ITGAD: variants seen among roughly 807,000 people sequenced by gnomAD.
ITGAD encodes integrin subunit alpha D, also known as integrin alpha-D.
ITGAD carries 105 observed loss-of-function variants against 139.0 expected under a neutral mutation model. That is an observed-to-expected ratio of 0.76 (90% confidence interval 0.65 to 0.89). The LOEUF (loss-of-function observed/expected upper bound fraction) is 0.89. Ranked by LOEUF, ITGAD falls within the 40% of genes least tolerant of loss-of-function variation. ITGAD has a pLI of 0.00. For missense variants in ITGAD, 1,384 were observed against 1,487.3 expected (o/e 0.93, Z 1.14); for synonymous variants, 569 against 598.3 (o/e 0.95, Z 0.71).
rs761461114 is a variant in ITGAD at position 31,414,882 on chromosome 16, G to A, written c.2174G>A (p.Ser725Asn). Residue 725 changes from serine (S) to asparagine (N), a missense_variant, in exon 18 of 30, where the codon AGC (serine) becomes AAC (asparagine). Transcript: ENST00000389202. Reference protein sequence around the residue: ...LLPDCVEDVVSPIILHLNFSL... With the variant: ...LLPDCVEDVVNPIILHLNFSL... ...CAGGATTGTGTGGAGGATGTGGTGA[G>A]CCCCATCATTCTGCACCTCAACTTC... 1 of 1,614,066 alleles carries A rather than the reference G, an allele frequency of 6.2e-7. No homozygotes were observed. Among genetic ancestry groups the A allele is most frequent in the Admixed American group, 1.7e-5 (1 of 60,018 alleles).
In ITGAD at chr16:31,423,124, T is replaced by A. The variant is rs764251641; in HGVS notation, c.2791T>A (p.Ser931Thr). 9.9e-6 allele frequency: 16 copies of A among 1,613,924 alleles called. No individual in the cohort carries two copies. In the East Asian group the frequency reaches 1.3e-4, roughly 13 times the overall value. Residue 931 changes from serine (S) to threonine (T), a missense_variant, in exon 24 of 30, where the codon TCC (serine) becomes ACC (threonine). Physicochemically the swap from Ser to Thr is moderately conservative, Grantham distance 58. Transcript: ENST00000389202. ...AGGCTCTCTCTCCAGGCAGGAAGAA[T>A]CCACCAAGTACTTCAACTTTGCAAC... ...VYTMISRQEE[S>T]TKYFNFATSD...
intron 23 of ITGAD, among the ~76,000 whole-genome samples, chr16:31,419,418 T>C (rs1010987261): frequency 2.0e-5 from 3 of 152,320 alleles, no homozygotes; most frequent in Non-Finnish European, 1.5e-5. Context: ...CATGGGTTTG[T>C]AGCCCAGGAG....
intron 20 of ITGAD, among the ~76,000 whole-genome samples, chr16:31,417,688 T>A (rs565990817): frequency 3.3e-5 from 5 of 152,324 alleles, no homozygotes; most frequent in African/African-American, 1.2e-4. Flanking sequence ...CTCACACCTG[T>A]AATCCCAGCA....
chr16:31,416,562 G>A lies in ITGAD; in HGVS notation c.2415G>A (p.Trp805Ter). 3 of 1,613,970 alleles carry A rather than the reference G, an allele frequency of 1.9e-6. No individual in the cohort carries two copies. Among genetic ancestry groups the A allele is most frequent in the East Asian group, 4.5e-5 (2 of 44,866 alleles). Reference protein sequence around the residue: ...SLELNVIVTVWNAGEDSYGTV... With the variant: ...SLELNVIVTV ...AGCTCAACGTGATTGTGACTGTGTGGAACGCAGGTGAGGATTCCTACGGAA... is the reference window on the plus strand; with the variant it reads ...AGCTCAACGTGATTGTGACTGTGTGAAACGCAGGTGAGGATTCCTACGGAA... Residue 805 changes from tryptophan (W) to a stop codon, truncating the protein, a stop_gained, in exon 20 of 30, where the codon TGG becomes TGA. Coordinates refer to ENST00000389202, the MANE Select transcript of ITGAD (RefSeq NM_005353.3). LOFTEE classifies it high-confidence loss of function.
intron 28 of ITGAD, 59 bp from the exon 29 acceptor site, chr16:31,424,408 G>A (rs1024618294): frequency 7.0e-5 from 101 of 1,441,304 alleles, no homozygotes; most frequent in Non-Finnish European, 8.9e-5. Context: ...TAAAGGTTGC[G>A]GAACCTGGGA....
At position 31,397,917 on chromosome 16, in the gene ITGAD, C is replaced by G; in HGVS notation, c.427+8C>G. 1 of 1,601,516 alleles carries G rather than the reference C, an allele frequency of 6.2e-7. No homozygotes were observed. The highest frequency in any genetic ancestry group is 1.1e-5 in the South Asian group (1 of 89,824). On this transcript the variant is annotated splice_region_variant and intron_variant, in intron 5 of 29. Transcript: ENST00000389202. ...TCCCCGACGCCACGCCAGGTAGGTC[C>G]CTGGCAGGCCATGGTTCCCTGTGGA... is the stretch of plus-strand genomic sequence containing the variant.
At position 31,423,397 on chromosome 16, in the gene ITGAD, T is replaced by C. The variant is rs139934049; in HGVS notation, c.2905T>C (p.Trp969Arg). Residue 969 changes from tryptophan to arginine, a missense_variant, in exon 25 of 30, where the codon TGG becomes CGG. By Grantham distance (101) the Trp-to-Arg change is moderately radical (BLOSUM62 -3). Coordinates refer to ENST00000389202, the MANE Select transcript of ITGAD (RefSeq NM_005353.3). Reference protein sequence around the residue: ...QRDLAISINFWVPVLLNGVAV... With the variant: ...QRDLAISINFRVPVLLNGVAV... ...AGATCTGGCCATCAGCATTAACTTC[T>C]GGGTTCCTGTCCTGCTGAACGGGGT... 3.3e-5 allele frequency: 53 copies of C among 1,614,032 alleles called. 1 individual carries two copies. The highest frequency in any genetic ancestry group is 3.3e-4 in the Middle Eastern group (2 of 6,084).
At chr16:31,410,316 G>C in intron 10 of ITGAD, 79 bp from the exon 11 acceptor site, 1 of 1,587,194 alleles carries the variant, frequency 6.3e-7, no homozygotes, top group South Asian at 1.1e-5. Flanking sequence ...GGCGAGTGAT[G>C]CGGGTGGCAG....
At chr16:31,424,854 CT>C in intron 29 of ITGAD, 1 of 269,968 alleles carries the variant, frequency 3.7e-6, no homozygotes, top group Non-Finnish European at 7.0e-6. Flanking sequence ...CCACCTTGGC[CT>C]CCCAAAGTTC....
intron 26 of ITGAD, 78 bp from the exon 27 acceptor site, chr16:31,423,767 C>A (rs1437182749): frequency 1.3e-6 from 2 of 1,557,510 alleles, no homozygotes; most frequent in East Asian, 2.3e-5. Context: ...GTTCCCCACC[C>A]CAAACCTGAC....
In ITGAD at chr16:31,393,388, A is replaced by G; in HGVS notation, c.28A>G (p.Ser10Gly). Residue 10 changes from serine to glycine, a missense_variant, in exon 1 of 30, where the codon AGT becomes GGT. By Grantham distance (56) the Ser-to-Gly change is moderately conservative. Transcript: ENST00000389202. ...GACCTTCGGCACTGTGCTTCTTCTG[A>G]GTGGTAAGTGGGGCCAGGGTGCTGG... The part of the protein sequence containing the change: MTFGTVLLL[S>G]VLASYHGFNL... 2.5e-6 allele frequency: 4 copies of G among 1,613,678 alleles called. No individual in the cohort carries two copies. The highest frequency in any genetic ancestry group is 1.6e-4 in the Middle Eastern group (1 of 6,062).
intron 29 of ITGAD, among the ~76,000 whole-genome samples, chr16:31,425,785 C>T (rs552339928): frequency 7.9e-5 from 12 of 151,686 alleles, no homozygotes; most frequent in East Asian, 3.9e-4. Flanking sequence ...CGGGTTCAAG[C>T]GATTCTCTTG....
chr16:31,418,747 G>A (rs188394732), intron 23 of ITGAD, among the ~76,000 whole-genome samples, 183 bp downstream of exon 23: 13 of 152,334 alleles, frequency 8.5e-5, no homozygotes, highest in Admixed American at 7.8e-4. Flanking sequence ...TGGGCTGGGC[G>A]CGGTACCTCG....
At chr16:31,397,944 C>T (rs1272877448) in intron 5 of ITGAD, 35 bp downstream of exon 5, 2 of 1,498,440 alleles carry the variant, frequency 1.3e-6, no homozygotes, top group South Asian at 2.3e-5. Context: ...CCCTGTGGAG[C>T]ACATGCTGGC....
In ITGAD at chr16:31,403,510, T is replaced by TG; in HGVS notation, c.570dup (p.Gln191AlafsTer52). The TG allele has an allele frequency of 6.2e-7, 1 of 1,614,062 alleles. No individual in the cohort carries two copies. Among genetic ancestry groups the TG allele is most frequent in the Non-Finnish European group, 8.5e-7 (1 of 1,180,004 alleles). ...CACTGGCCTTTGCAGTTTGCACTGA[T>TG]GCAGTACTCAAACCTCCTGAAGATC... On this transcript the variant is annotated frameshift_variant, in exon 7 of 30. Coordinates refer to ENST00000389202, the MANE Select transcript of ITGAD (RefSeq NM_005353.3). LOFTEE classifies it high-confidence loss of function. The surrounding 1 kb of genome is among the most constrained non-coding windows in gnomAD (Gnocchi z 4.4).
intron 2 of ITGAD, 115 bp downstream of exon 2, chr16:31,394,456 C>A: frequency 1.5e-6 from 1 of 647,392 alleles, no homozygotes; most frequent in East Asian, 2.9e-5. Context: ...GGTGAGAAGT[C>A]TTCCCTTGGC....
At chr16:31,417,252 A>ATTTAT (rs35338508) in intron 20 of ITGAD, among the ~76,000 whole-genome samples, 1 of 146,370 alleles carries the variant, frequency 6.8e-6, no homozygotes, top group Non-Finnish European at 1.5e-5. Context: ...TTATTTATTT[A>ATTTAT]TTTTTTAGAG....
At chr16:31,418,685 T>C (rs991725505) in intron 23 of ITGAD, 121 bp downstream of exon 23, 3 of 789,216 alleles carry the variant, frequency 3.8e-6, no homozygotes, top group Non-Finnish European at 6.6e-6. Context: ...TGGGATGCCT[T>C]TGTGGGTGAA....
At chr16:31,393,546 G>C (rs903465613) in intron 1 of ITGAD, among the ~76,000 whole-genome samples, 155 bp downstream of exon 1, 11 of 152,128 alleles carry the variant, frequency 7.2e-5, no homozygotes, top group Non-Finnish European at 1.6e-4. Flanking sequence ...GGAGTCAGTA[G>C]AGTGTGACCT....
Sources: gnomAD v4.1 joint callset for allele counts (sites outside exome capture counted in the v4.1 genomes callset) on GRCh38, gnomAD v4.1.1 for gene constraint, Gnocchi (gnomAD v3.1) non-coding constraint, MANE v1.5 for transcripts, NCBI Gene and HGNC (gene_info 2026-07-23, HGNC 2026-07-21) for gene names.